FOLH1: variants seen among roughly 807,000 people sequenced by gnomAD.
The protein encoded by FOLH1 is glutamate carboxypeptidase 2.
Under a neutral mutation model 93.9 loss-of-function variants are expected in FOLH1, and 54 were observed. That is an observed-to-expected ratio of 0.57 (90% CI 0.46 to 0.72). The LOEUF is 0.72. FOLH1 is among the 30% of genes least tolerant of loss of function. FOLH1 has a pLI of 0.00. For synonymous variants in FOLH1, 249 were observed against 303.6 expected, an observed-to-expected ratio of 0.82 and a Z score of 1.87; for missense variants, 571 against 892.5, an observed-to-expected ratio of 0.64 and a Z score of 4.59.
chr11:49,195,110 A>G (rs1408186867), intron 3 of FOLH1, among the ~76,000 whole-genome samples: 1 of 152,088 alleles, frequency 6.6e-6, no homozygotes, highest in Non-Finnish European at 1.5e-5. Context: ...CATCAAATAC[A>G]TGTTTTTCCC....
chr11:49,179,445 A>G (rs192693907), intron 7 of FOLH1, among the ~76,000 whole-genome samples: 14 of 152,344 alleles, frequency 9.2e-5, no homozygotes, highest in Admixed American at 9.1e-4. Context: ...AATCAATAAC[A>G]AAAGTAAATT....
chr11:49,196,939 A>G (rs1235733594), intron 3 of FOLH1, among the ~76,000 whole-genome samples: 1 of 152,146 alleles, frequency 6.6e-6, no homozygotes, highest in Non-Finnish European at 1.5e-5. Flanking sequence ...ATCTGGGCAG[A>G]TTTTACATTG....
intron 4 of FOLH1, among the ~76,000 whole-genome samples, chr11:49,192,225 A>T (rs1336416425): frequency 1.3e-5 from 2 of 152,158 alleles, no homozygotes; most frequent in African/African-American, 4.8e-5. Context: ...TTTTTGGTAT[A>T]CATAAGTCAT....
At chr11:49,192,123 A>G (rs1862124059) in intron 4 of FOLH1, among the ~76,000 whole-genome samples, 1 of 152,110 alleles carries the variant, frequency 6.6e-6, no homozygotes. Flanking sequence ...TTTATTCATT[A>G]TACTTTCTGC....
In FOLH1 at chr11:49,208,285, C is replaced by G; in HGVS notation, c.118+7G>C. The G allele has an allele frequency of 1.3e-6, 2 of 1,541,678 alleles. No individual in the cohort carries two copies. The highest frequency in any genetic ancestry group is 1.8e-6 in the Non-Finnish European group (2 of 1,137,766). ...TCCGAGGTTTGCTCCGCGAGGCGCC[C>G]CCCTACCGAAGAGGAAGCCGAGGAG... On this transcript the variant is annotated splice_region_variant and intron_variant, in intron 1 of 18. Transcript: ENST00000256999.
chr11:49,146,663 T>C lies in FOLH1; in HGVS notation c.*93A>G. On this transcript the variant is annotated 3_prime_UTR_variant, in exon 19 of 19. Transcript: ENST00000256999. ...ATATAATATTCAACTTTATTTCAAA[T>C]ATACCAATTTTAAAATTTATCAATA... The C allele has an allele frequency of 8.6e-7, 1 of 1,166,930 alleles. No homozygotes were observed. Among genetic ancestry groups the C allele is most frequent in the Non-Finnish European group, 1.2e-6 (1 of 850,540 alleles). The allele number at this position is 1,166,930 out of a possible 1,614,324, so 72.3% of individuals were successfully genotyped here. A position where few individuals can be genotyped will look rare whatever the true frequency, so the allele number is the denominator to read the frequency against.
At chr11:49,166,162 T>A (rs1001009793) in intron 12 of FOLH1, among the ~76,000 whole-genome samples, 3 of 152,200 alleles carry the variant, frequency 2.0e-5, no homozygotes, top group Non-Finnish European at 2.9e-5. Flanking sequence ...AACCGAGATA[T>A]GTGCTGATAT....
intron 17 of FOLH1, among the ~76,000 whole-genome samples, chr11:49,150,971 GT>G (rs1408031070): frequency 6.6e-6 from 1 of 152,154 alleles, no homozygotes; most frequent in Non-Finnish European, 1.5e-5. Context: ...TATACAAAAT[GT>G]GATTTTTAAT....
chr11:49,155,835 T>TAA (rs1554981960), intron 15 of FOLH1, among the ~76,000 whole-genome samples: 16 of 121,834 alleles, frequency 1.3e-4, no homozygotes, highest in African/African-American at 2.3e-4. Context: ...TATATATATA[T>TAA]AATCAACAAC....
chr11:49,206,372 C>T (rs777167746), intron 1 of FOLH1, 200 bp from the exon 2 acceptor site: 1 of 918,334 alleles, frequency 1.1e-6, no homozygotes, highest in Non-Finnish European at 1.7e-6. Context: ...AAGTTGCAAA[C>T]CAATTGCAAA....
intron 1 of FOLH1, chr11:49,206,385 A>C: frequency 2.3e-6 from 2 of 874,520 alleles, no homozygotes; most frequent in East Asian, 6.0e-5. Flanking sequence ...ATTGCAAAAT[A>C]TTTCTTATCC....
intron 2 of FOLH1, among the ~76,000 whole-genome samples, chr11:49,201,622 A>G (rs952873702): frequency 1.3e-5 from 2 of 152,168 alleles, no homozygotes; most frequent in African/African-American, 4.8e-5. Flanking sequence ...TCTAATATGG[A>G]AAATATTGTA....
chr11:49,182,258 G>A (rs1483872729), intron 7 of FOLH1, among the ~76,000 whole-genome samples: 2 of 150,710 alleles, frequency 1.3e-5, no homozygotes, highest in Non-Finnish European at 3.0e-5. Context: ...GAACCCAGGA[G>A]GCGGGGGTTG....
At chr11:49,187,031 A>C (rs539991659) in intron 4 of FOLH1, among the ~76,000 whole-genome samples, 2 of 150,144 alleles carry the variant, frequency 1.3e-5, no homozygotes, top group East Asian at 3.9e-4. Context: ...GAAGCTACAG[A>C]AGCACCCCCC....
At chr11:49,173,301 A>T (rs1281769143) in intron 10 of FOLH1, 56 bp downstream of exon 10, 2 of 1,561,804 alleles carry the variant, frequency 1.3e-6, no homozygotes, top group African/African-American at 2.7e-5. Context: ...CCTTTACAGA[A>T]GACTAAACTG....
At chr11:49,152,687 C>T (rs1856618954) in intron 17 of FOLH1, among the ~76,000 whole-genome samples, 1 of 151,932 alleles carries the variant, frequency 6.6e-6, no homozygotes, top group Non-Finnish European at 1.5e-5. Context: ...GTATATATTA[C>T]TCTCCATTTT....
At chr11:49,161,937 T>C (rs1425100696) in intron 13 of FOLH1, among the ~76,000 whole-genome samples, 1 of 152,250 alleles carries the variant, frequency 6.6e-6, no homozygotes, top group African/African-American at 2.4e-5. Flanking sequence ...TTTCTAAGAA[T>C]GTTGAACATT....
At chr11:49,172,717 A>T (rs1859488017) in intron 10 of FOLH1, among the ~76,000 whole-genome samples, 1 of 152,200 alleles carries the variant, frequency 6.6e-6, no homozygotes, top group Admixed American at 6.5e-5. Flanking sequence ...AAAGAGAATG[A>T]ACTTCCTGCT....
intron 7 of FOLH1, among the ~76,000 whole-genome samples, chr11:49,181,309 A>T (rs1281660841): frequency 2.0e-5 from 3 of 151,810 alleles, no homozygotes; most frequent in African/African-American, 7.3e-5. Flanking sequence ...GGTTTCACTG[A>T]CCATGTTGGC....
Sources: gnomAD v4.1 joint callset for allele counts (sites outside exome capture counted in the v4.1 genomes callset) on GRCh38, gnomAD v4.1.1 for gene constraint, MANE v1.5 for transcripts, NCBI Gene and HGNC (gene_info 2026-07-23, HGNC 2026-07-21) for gene names.